PDCD6IP: variants seen among roughly 807,000 people sequenced by gnomAD.
PDCD6IP encodes programmed cell death 6-interacting protein.
PDCD6IP carries 43 observed loss-of-function variants against 103.7 expected under a neutral mutation model. That is an observed-to-expected ratio of 0.41 (90% CI 0.32 to 0.53). The LOEUF is 0.53. PDCD6IP is among the 20% of genes least tolerant of loss of function. PDCD6IP has a pLI of 0.16. For synonymous variants in PDCD6IP, 354 were observed against 378.7 expected (o/e 0.93, Z 0.76); for missense variants, 871 against 1,036.7 (o/e 0.84, Z 2.20).
chr3:33,860,918 T>G (rs1697936857), intron 15 of PDCD6IP, among the ~76,000 whole-genome samples: 1 of 151,986 alleles, frequency 6.6e-6, no homozygotes, highest in Non-Finnish European at 1.5e-5. Flanking sequence ...TTCTGGTTAA[T>G]TAAATAAAAC....
intron 15 of PDCD6IP, among the ~76,000 whole-genome samples, chr3:33,863,044 G>A (rs1697986828): frequency 6.6e-6 from 1 of 152,124 alleles, no homozygotes; most frequent in Non-Finnish European, 1.5e-5. Flanking sequence ...GAATAAAAAT[G>A]TAGTATATTT....
chr3:33,855,802 T>C (rs1697814149), intron 15 of PDCD6IP, among the ~76,000 whole-genome samples: 1 of 152,228 alleles, frequency 6.6e-6, no homozygotes, highest in South Asian at 2.1e-4. Flanking sequence ...ACCAAAATAA[T>C]ATTGTCACAG....
chr3:33,798,637 C>A lies in PDCD6IP; in HGVS notation c.-92C>A. On this transcript the variant is annotated 5_prime_UTR_variant, in exon 1 of 18. Coordinates refer to ENST00000307296, the MANE Select transcript of PDCD6IP (RefSeq NM_013374.6). ...AGCGCAAGTCTGTCAGCCAGTCAGT[C>A]CGCCAGTCCGCCAGCCCAGTACCTC... 2 of 1,221,388 alleles carry A rather than the reference C, an allele frequency of 1.6e-6. No individual in the cohort carries two copies. The highest frequency in any genetic ancestry group is 3.0e-5 in the Admixed American group (1 of 33,816). 75.7% of individuals were successfully genotyped at this position (1,221,388 alleles called of 1,614,324 possible). A position where few individuals can be genotyped will look rare whatever the true frequency, so the allele number is the denominator to read the frequency against.
Position 33,842,478 on chromosome 3 carries a change from A to G in PDCD6IP, c.1359+404A>G, listed in dbSNP as rs1697496886. On this transcript the variant is annotated intron_variant, in intron 10 of 17. Transcript: ENST00000307296. ...CCTTTAATTTATCCCTAATTTCTTA[A>G]AATATATTAAATATATTTGTTTTAT... Among the ~76,000 whole-genome samples the G allele has an allele frequency of 1.3e-5, 2 of 151,378 alleles. 1 individual carries two copies. The highest frequency in any genetic ancestry group is 4.1e-4 in the South Asian group (2 of 4,822).
At chr3:33,864,276 A>G in intron 16 of PDCD6IP, 147 bp downstream of exon 16, 1 of 579,718 alleles carries the variant, frequency 1.7e-6, no homozygotes. Flanking sequence ...TGCAATATGT[A>G]GAACACAGCA....
intron 1 of PDCD6IP, among the ~76,000 whole-genome samples, chr3:33,810,528 G>A (rs1005850642): frequency 6.6e-6 from 1 of 152,186 alleles, no homozygotes; most frequent in African/African-American, 2.4e-5. Flanking sequence ...TGGGCAGTAG[G>A]TGTGCTTATT....
intron 1 of PDCD6IP, among the ~76,000 whole-genome samples, chr3:33,810,342 C>A (rs988175365): frequency 2.0e-5 from 3 of 152,068 alleles, no homozygotes; most frequent in Non-Finnish European, 4.4e-5. Flanking sequence ...ATTGGGAGCC[C>A]CTTAAAGCTA....
At chr3:33,807,418 C>A (rs966131670) in intron 1 of PDCD6IP, among the ~76,000 whole-genome samples, 1 of 152,218 alleles carries the variant, frequency 6.6e-6, no homozygotes, top group Admixed American at 6.5e-5. Flanking sequence ...GGCCAGTGGC[C>A]ATGCTTTATT....
chr3:33,803,590 T>G (rs1696525601), intron 1 of PDCD6IP, among the ~76,000 whole-genome samples: 1 of 152,200 alleles, frequency 6.6e-6, no homozygotes, highest in African/African-American at 2.4e-5. Context: ...CTCAACTGTG[T>G]TTATTCTATC....
At chr3:33,808,758 T>C (rs563871926) in intron 1 of PDCD6IP, among the ~76,000 whole-genome samples, 1 of 152,356 alleles carries the variant, frequency 6.6e-6, no homozygotes, top group South Asian at 2.1e-4. Flanking sequence ...GTCATATTGC[T>C]GTTTTGTCCA....
At chr3:33,861,725 G>A (rs1697960775) in intron 15 of PDCD6IP, among the ~76,000 whole-genome samples, 1 of 152,038 alleles carries the variant, frequency 6.6e-6, no homozygotes, top group Non-Finnish European at 1.5e-5. Context: ...TATTCTGCTG[G>A]GTTTGTAGTA....
chr3:33,804,180 A>G (rs1696540238), intron 1 of PDCD6IP, among the ~76,000 whole-genome samples: 1 of 152,176 alleles, frequency 6.6e-6, no homozygotes, highest in Admixed American at 6.5e-5. Flanking sequence ...GTGAAAAGGA[A>G]GAAAAGGGGG....
chr3:33,837,210 G>A (rs113251858), intron 8 of PDCD6IP, among the ~76,000 whole-genome samples: 60 of 152,226 alleles, frequency 3.9e-4, no homozygotes, highest in African/African-American at 1.3e-3. Flanking sequence ...ATGAGCCACC[G>A]TGCCCGGCCT....
intron 1 of PDCD6IP, among the ~76,000 whole-genome samples, chr3:33,809,654 A>G (rs910493066): frequency 3.3e-5 from 5 of 152,264 alleles, no homozygotes; most frequent in African/African-American, 9.6e-5. Context: ...TTTAATCTGT[A>G]GAATTCATTC....
chr3:33,852,148 C>T (rs568088643), intron 12 of PDCD6IP, among the ~76,000 whole-genome samples: 3 of 152,156 alleles, frequency 2.0e-5, no homozygotes, highest in South Asian at 2.1e-4. Context: ...CTCGTTATCC[C>T]TATCTTTGGA....
intron 3 of PDCD6IP, among the ~76,000 whole-genome samples, chr3:33,821,050 A>T (rs1696979672): frequency 2.0e-5 from 3 of 152,182 alleles, no homozygotes; most frequent in African/African-American, 7.2e-5. Context: ...TCTGACGCTC[A>T]GGGTGAAGTG....
chr3:33,832,718 G>A (rs1272520665), intron 7 of PDCD6IP, among the ~76,000 whole-genome samples: 1 of 152,032 alleles, frequency 6.6e-6, no homozygotes, highest in East Asian at 1.9e-4. Flanking sequence ...TTGTTTATCT[G>A]TTCATACTCC....
In PDCD6IP at chr3:33,829,476, TGTG is replaced by T. The variant is rs1365909590; in HGVS notation, c.834+508_834+510del. On this transcript the variant is annotated intron_variant, in intron 7 of 17. Coordinates refer to ENST00000307296, the MANE Select transcript of PDCD6IP (RefSeq NM_013374.6). ...CAACTTGAGGACGACAGTGGAGAGA[TGTG>T]TGTGCATATATATATATATACACAC... is the stretch of plus-strand genomic sequence containing the variant. Among the ~76,000 whole-genome samples the T allele has an allele frequency of 3.4e-4, 51 of 149,724 alleles. No individual in the cohort carries two copies. In the Admixed American group the frequency reaches 3.5e-3, roughly 10 times the overall value.
chr3:33,823,143 C>A (rs183650855), intron 4 of PDCD6IP, among the ~76,000 whole-genome samples: 1 of 151,972 alleles, frequency 6.6e-6, no homozygotes, highest in East Asian at 1.9e-4. Flanking sequence ...AATGTCATTC[C>A]GATTTTACAT....
Sources: gnomAD v4.1 joint callset for allele counts (sites outside exome capture counted in the v4.1 genomes callset) on GRCh38, gnomAD v4.1.1 for gene constraint, MANE v1.5 for transcripts, NCBI Gene and HGNC (gene_info 2026-07-23, HGNC 2026-07-21) for gene names.